Variants in RXFP1 observed in about 807,000 individuals in gnomAD.
The protein encoded by RXFP1 is relaxin receptor 1.
RXFP1 carries 73 observed loss-of-function variants against 89.8 expected under a neutral mutation model. That is an observed-to-expected ratio of 0.81 (90% CI 0.67 to 0.99). The LOEUF (loss-of-function observed/expected upper bound fraction) is 0.99, where lower values mean the gene tolerates loss of function less well. RXFP1 is among the 50% of genes least tolerant of loss of function. The probability of loss-of-function intolerance (pLI) is 0.00; values close to 1 mark genes in which losing one functional copy is unlikely to be tolerated. For synonymous variants in RXFP1, 277 were observed against 305.5 expected (o/e 0.91, Z 0.97); for missense variants, 793 against 895.5 (o/e 0.89, Z 1.46).
At chr4:158,534,346 C>A (rs1478051355) in intron 1 of RXFP1, among the ~76,000 whole-genome samples, 1 of 150,772 alleles carries the variant, frequency 6.6e-6, no homozygotes, top group Non-Finnish European at 1.5e-5. Flanking sequence ...CTCCTGGGTT[C>A]AAATGATTCT....
rs28754672 is a variant in RXFP1, at chr4:158,592,464, C to T, written c.188-937C>T. On this transcript the variant is annotated intron_variant, in intron 2 of 17. Coordinates refer to ENST00000307765, the MANE Select transcript of RXFP1 (RefSeq NM_021634.4). The stretch of plus-strand genomic sequence containing the variant: ...TGGCGGGTGCCTGGAATCCTAGCTA[C>T]TCGGGAGGCTGAGGCAGGAGAATCA... Among the ~76,000 whole-genome samples, 1,056 of 152,206 alleles carry T rather than the reference C, an allele frequency of 6.9e-3. 16 individuals are homozygous for T. Among genetic ancestry groups the T allele is most frequent in the African/African-American group, 0.024 (1,017 of 41,532 alleles).
chr4:158,619,003 G>T (rs567154011), intron 9 of RXFP1, among the ~76,000 whole-genome samples: 11 of 152,166 alleles, frequency 7.2e-5, no homozygotes, highest in African/African-American at 2.6e-4. Flanking sequence ...AATATGAAAA[G>T]CTTGAAAATA....
intron 2 of RXFP1, among the ~76,000 whole-genome samples, chr4:158,589,437 G>T (rs370026354): frequency 6.6e-6 from 1 of 152,186 alleles, no homozygotes; most frequent in Non-Finnish European, 1.5e-5. Context: ...CTTTTGGTAT[G>T]TCAGTCTTCT....
intron 1 of RXFP1, among the ~76,000 whole-genome samples, chr4:158,561,858 C>T (rs949542635): frequency 6.6e-6 from 1 of 152,000 alleles, no homozygotes; most frequent in Admixed American, 6.5e-5. Flanking sequence ...GAACTCCTGA[C>T]CTCAAGTGAT....
chr4:158,572,896 C>T (rs1298043420), intron 2 of RXFP1, 61 bp downstream of exon 2: 24 of 1,575,668 alleles, frequency 1.5e-5, no homozygotes, highest in Non-Finnish European at 2.1e-5. Context: ...AAGGTGAAGT[C>T]GCTGAGACTT....
At chr4:158,603,379 A>T (rs965034645) in intron 4 of RXFP1, among the ~76,000 whole-genome samples, 1 of 152,236 alleles carries the variant, frequency 6.6e-6, no homozygotes, top group Non-Finnish European at 1.5e-5. Flanking sequence ...ACAAGGAAAT[A>T]ATATTTGGTG....
chr4:158,624,921 T>C (rs1766401490), intron 9 of RXFP1, among the ~76,000 whole-genome samples: 2 of 152,182 alleles, frequency 1.3e-5, no homozygotes, highest in Non-Finnish European at 2.9e-5. Context: ...TAATCAAATG[T>C]CCTAATTTGT....
At chr4:158,603,718 C>T (rs1316087896) in intron 4 of RXFP1, among the ~76,000 whole-genome samples, 1 of 151,644 alleles carries the variant, frequency 6.6e-6, no homozygotes, top group Non-Finnish European at 1.5e-5. Flanking sequence ...GGTGAAACCC[C>T]ATCTGTACTC....
At chr4:158,612,939 T>C (rs551393684) in intron 8 of RXFP1, among the ~76,000 whole-genome samples, 4 of 152,228 alleles carry the variant, frequency 2.6e-5, no homozygotes, top group Non-Finnish European at 4.4e-5. Context: ...ACATCGTTAC[T>C]GTCTATACAG....
chr4:158,600,117 G>T (rs539354975), intron 4 of RXFP1, among the ~76,000 whole-genome samples: 1 of 152,146 alleles, frequency 6.6e-6, no homozygotes, highest in Non-Finnish European at 1.5e-5. Flanking sequence ...ATTAGTGGAG[G>T]ACAGCTATTT....
rs1182707998 is a variant in RXFP1 at position 158,652,738 on chromosome 4, C to T, written c.*683C>T. On this transcript the variant is annotated 3_prime_UTR_variant, in exon 18 of 18. Coordinates refer to ENST00000307765, the MANE Select transcript of RXFP1 (RefSeq NM_021634.4). ...TTTTCTCTTTGCTTTAAATGAACAT[C>T]ATCATATGGAATTGGAATAGGAGAG... 1 of 152,160 alleles carries T rather than the reference C, an allele frequency of 6.6e-6. No individual in the cohort carries two copies. Among genetic ancestry groups the T allele is most frequent in the East Asian group, 1.9e-4 (1 of 5,210 alleles). 9.4% of individuals were successfully genotyped at this position (152,160 alleles called of 1,614,324 possible).
chr4:158,608,192 A>G, intron 6 of RXFP1, 149 bp downstream of exon 6: 1 of 506,540 alleles, frequency 2.0e-6, no homozygotes, highest in Non-Finnish European at 3.5e-6. Flanking sequence ...GGCTAAGAGC[A>G]TAGGATTGTG....
chr4:158,616,817 G>A (rs1764674423), intron 8 of RXFP1, among the ~76,000 whole-genome samples: 1 of 151,392 alleles, frequency 6.6e-6, no homozygotes, highest in Admixed American at 6.6e-5. Flanking sequence ...TGGCTAACAT[G>A]GTGAAACCCC....
intron 17 of RXFP1, among the ~76,000 whole-genome samples, chr4:158,650,191 T>G (rs1422938283): frequency 2.6e-5 from 4 of 152,106 alleles, no homozygotes; most frequent in Non-Finnish European, 5.9e-5. Context: ...ATAGTTAGAT[T>G]CATAGAACAT....
At chr4:158,641,763 G>A (rs575287844) in intron 14 of RXFP1, among the ~76,000 whole-genome samples, 1 of 152,176 alleles carries the variant, frequency 6.6e-6, no homozygotes, top group African/African-American at 2.4e-5. Flanking sequence ...CTAATTTGAA[G>A]TTCAATTTGC....
intron 1 of RXFP1, among the ~76,000 whole-genome samples, chr4:158,526,114 A>G (rs1303278900): frequency 1.3e-5 from 2 of 152,246 alleles, no homozygotes; most frequent in Non-Finnish European, 2.9e-5. Context: ...GGCAAGTTTA[A>G]CAAATCCATG....
In RXFP1 at chr4:158,612,061, G is replaced by A. The variant is rs1460231380; in HGVS notation, c.537-69G>A. On this transcript the variant is annotated intron_variant, in intron 6 of 17. Transcript: ENST00000307765. ...AAAAAATTTAAGATGGATGATTATTGTTTTTACTTTTCTTATTGTAAGACA... is the reference window on the plus strand; with the variant it reads ...AAAAAATTTAAGATGGATGATTATTATTTTTACTTTTCTTATTGTAAGACA... 9.3e-6 allele frequency: 12 copies of A among 1,286,564 alleles called. No individual in the cohort carries two copies. The East Asian group carries it at 1.2e-4, about 13-fold the overall frequency. 79.7% of individuals were successfully genotyped at this position (1,286,564 alleles called of 1,614,324 possible).
chr4:158,542,109 A>ATATATATATATATATATATATATATTTTT, intron 1 of RXFP1, among the ~76,000 whole-genome samples: 6 of 35,234 alleles, frequency 1.7e-4, no homozygotes, highest in Non-Finnish European at 2.2e-4. Flanking sequence ...ATATATATAT[A>ATATATATATATATATATATATATATTTTT]TTTTTTTTTT....
At chr4:158,616,541 C>T (rs1023513323) in intron 8 of RXFP1, among the ~76,000 whole-genome samples, 7 of 136,800 alleles carry the variant, frequency 5.1e-5, no homozygotes, top group African/African-American at 1.5e-4. Flanking sequence ...TTGTTGTTGA[C>T]GGGTTTAGGC....
Sources: allele counts gnomAD v4.1 joint callset (sites outside exome capture counted in the v4.1 genomes callset), GRCh38; gene constraint gnomAD v4.1.1; transcripts MANE v1.5; gene names NCBI Gene and HGNC (gene_info 2026-07-23, HGNC 2026-07-21).